LINC00632: variants seen among roughly 807,000 people sequenced by gnomAD.
LINC00632 encodes the protein long independently transcribed non-coding RNA 632, also known as ALDOA related specific transcript.
exon 4 of LINC00632, chrX:140,772,168 T>A (rs746189250): frequency 1.3e-4 from 39 of 293,957 alleles, no homozygotes; most frequent in Non-Finnish European, 1.8e-5. Context: ...TCATACAAAA[T>A]TTGAGTTTCC....
chrX:140,781,427 C>T (rs1394751995), exon 5 of LINC00632, among the ~76,000 whole-genome samples: 1 of 111,270 alleles, frequency 9.0e-6, no homozygotes. Flanking sequence ...CTCATTGATC[C>T]TCAGCCCTGT....
At chrX:140,784,276 C>G (rs761193821) in exon 5 of LINC00632, 2 of 1,204,302 alleles carry the variant, frequency 1.7e-6, no homozygotes, top group Non-Finnish European at 2.2e-6. Flanking sequence ...AACAAAGGTA[C>G]GTCTTCCAAC....
intron 2 of LINC00632, among the ~76,000 whole-genome samples, chrX:140,722,050 C>T (rs948173943): frequency 1.8e-5 from 2 of 111,302 alleles, no homozygotes; most frequent in Admixed American, 9.6e-5. Flanking sequence ...TCACAACTTA[C>T]AGACTGGCCA....
At chrX:140,776,867 T>C (rs1012421972) in exon 5 of LINC00632, among the ~76,000 whole-genome samples, 4 of 111,085 alleles carry the variant, frequency 3.6e-5, no homozygotes, top group Admixed American at 1.9e-4. Context: ...CTATTTACAA[T>C]AGCAAAGACT....
intron 3 of LINC00632, among the ~76,000 whole-genome samples, chrX:140,744,251 G>A (rs1249802442): frequency 9.0e-6 from 1 of 110,683 alleles, no homozygotes; most frequent in Non-Finnish European, 1.9e-5. Flanking sequence ...GGGAGGATGA[G>A]TCACAATCTA....
chrX:140,765,361 C>G (rs1931671098), intron 3 of LINC00632, among the ~76,000 whole-genome samples: 1 of 111,700 alleles, frequency 9.0e-6, no homozygotes, highest in African/African-American at 3.3e-5. Context: ...TATGCAGCCG[C>G]CCCAAGTTGC....
At chrX:140,788,810 G>GTTTATA (rs760770584) in exon 5 of LINC00632, among the ~76,000 whole-genome samples, 1 of 75,226 alleles carries the variant, frequency 1.3e-5, no homozygotes. Flanking sequence ...ACACATATAT[G>GTTTATA]TATCTATATT....
rs770752668 is a variant in LINC00632 at position 140,738,571 on chromosome X, C to T, written n.191+4607C>T. ...CATATTTTGACTAAACTTGTTTTGT[C>T]CAGTTTGGGAGCCACAATCACATGT... On this transcript the variant is annotated intron_variant and non_coding_transcript_variant, in intron 3 of 4. Transcript: ENST00000648200. Among the ~76,000 whole-genome samples, 13 of 111,663 alleles carry T rather than the reference C, an allele frequency of 1.2e-4. No individual in the cohort carries two copies. The Admixed American group carries it at 1.2e-3, about 11-fold the overall frequency.
intron 3 of LINC00632, among the ~76,000 whole-genome samples, chrX:140,771,233 T>C (rs904319278): frequency 1.9e-5 from 2 of 107,725 alleles, no homozygotes; most frequent in Admixed American, 1.0e-4. Flanking sequence ...GCAGAAACAG[T>C]TGACTACATA....
At chrX:140,716,651 C>T (rs1165890515) in intron 2 of LINC00632, among the ~76,000 whole-genome samples, 1 of 109,882 alleles carries the variant, frequency 9.1e-6, no homozygotes, top group Non-Finnish European at 1.9e-5. Flanking sequence ...ACTCACAACA[C>T]ACAGAATTGC....
intron 2 of LINC00632, chrX:140,713,818 C>G (rs772891963): frequency 9.4e-6 from 3 of 320,511 alleles, no homozygotes; most frequent in African/African-American, 8.1e-5. Context: ...TGATGCACCC[C>G]GCATGACACA....
At chrX:140,740,772 A>G (rs1279143440) in intron 3 of LINC00632, among the ~76,000 whole-genome samples, 1 of 111,510 alleles carries the variant, frequency 9.0e-6, no homozygotes, top group Non-Finnish European at 1.9e-5. Flanking sequence ...TTTTTGAAAA[A>G]GGGGCCCCAC....
At chrX:140,715,050 C>T (rs1930599853) in intron 2 of LINC00632, among the ~76,000 whole-genome samples, 1 of 110,730 alleles carries the variant, frequency 9.0e-6, no homozygotes, top group Non-Finnish European at 1.9e-5. Context: ...GGCATCATAG[C>T]AGGAAAAACT....
intron 3 of LINC00632, among the ~76,000 whole-genome samples, chrX:140,736,440 T>C (rs1352422619): frequency 4.0e-5 from 4 of 99,133 alleles, no homozygotes; most frequent in Admixed American, 2.2e-4. Context: ...CTTCTTCTTT[T>C]TTTTTTTTTT....
chrX:140,742,973 C>A (rs1931261060), intron 3 of LINC00632, among the ~76,000 whole-genome samples: 1 of 107,632 alleles, frequency 9.3e-6, no homozygotes, highest in Non-Finnish European at 1.9e-5. Flanking sequence ...ACCTGTAATC[C>A]CGGCACTTTG....
At chrX:140,731,240 T>G (rs942552049) in intron 2 of LINC00632, among the ~76,000 whole-genome samples, 25 of 111,936 alleles carry the variant, frequency 2.2e-4, no homozygotes, top group African/African-American at 7.8e-4. Context: ...TTTGTAAACA[T>G]GGATGCAATA....
exon 4 of LINC00632, chrX:140,772,432 C>A: frequency 3.4e-6 from 1 of 295,687 alleles, no homozygotes. Flanking sequence ...TGTGTACTCT[C>A]ATTGATATAC....
At chrX:140,742,516 C>T (rs912282561) in intron 3 of LINC00632, among the ~76,000 whole-genome samples, 1 of 110,985 alleles carries the variant, frequency 9.0e-6, no homozygotes, top group African/African-American at 3.3e-5. Flanking sequence ...TTTCCTGCAT[C>T]CCCCCAGGTA....
chrX:140,726,503 C>A (rs1220544195), intron 2 of LINC00632, among the ~76,000 whole-genome samples: 1 of 112,021 alleles, frequency 8.9e-6, no homozygotes, highest in Non-Finnish European at 1.9e-5. Context: ...TGCAGCACAA[C>A]ACGTAGATTT....
Sources: gnomAD v4.1 joint callset for allele counts (sites outside exome capture counted in the v4.1 genomes callset) on GRCh38, gnomAD v4.1.1 for gene constraint, MANE v1.5 for transcripts, NCBI Gene and HGNC (gene_info 2026-07-23, HGNC 2026-07-21) for gene names.